ANKRD31: variants seen among roughly 807,000 people sequenced by gnomAD.
The protein encoded by ANKRD31 is ankyrin repeat domain 31.
A neutral mutation model predicts 186.0 loss-of-function variants in ANKRD31; 147 were observed. The observed-to-expected ratio is 0.79, with a 90% CI of 0.69 to 0.91. The LOEUF (loss-of-function observed/expected upper bound fraction) is 0.91. Among genes scored for constraint, ANKRD31 ranks in the 40% least tolerant of loss-of-function variants. The pLI is 0.00. For synonymous variants in ANKRD31, 673 were observed against 736.4 expected (o/e 0.91, Z 1.39); for missense variants, 1,986 against 2,148.8 (o/e 0.92, Z 1.50).
At chr5:75,169,904 AC>A (rs1326633206) in intron 10 of ANKRD31, among the ~76,000 whole-genome samples, 1 of 152,104 alleles carries the variant, frequency 6.6e-6, no homozygotes, top group Non-Finnish European at 1.5e-5. Flanking sequence ...CCTAGTTCTA[AC>A]AACTAAACAT....
intron 20 of ANKRD31, among the ~76,000 whole-genome samples, chr5:75,107,940 T>C (rs147186465): frequency 7.9e-5 from 12 of 152,202 alleles, no homozygotes; most frequent in Non-Finnish European, 1.5e-4. Context: ...TAAAGGAAGA[T>C]ATTTTGTTTG....
intron 4 of ANKRD31, among the ~76,000 whole-genome samples, chr5:75,206,901 T>G (rs1420789888): frequency 6.6e-6 from 1 of 152,114 alleles, no homozygotes; most frequent in Non-Finnish European, 1.5e-5. Flanking sequence ...TAATGATAAA[T>G]TTCTCCAGGC....
chr5:75,228,131 T>C (rs997502804), intron 2 of ANKRD31, among the ~76,000 whole-genome samples: 2 of 152,326 alleles, frequency 1.3e-5, no homozygotes, highest in East Asian at 1.9e-4. Context: ...TATATGGCCA[T>C]TGAAAGGTTT....
intron 22 of ANKRD31, among the ~76,000 whole-genome samples, chr5:75,100,553 G>A (rs376139018): frequency 6.6e-6 from 1 of 151,770 alleles, no homozygotes; most frequent in African/African-American, 2.4e-5. Context: ...ATTGTGTGGG[G>A]GTCTAAGTCT....
intron 12 of ANKRD31, among the ~76,000 whole-genome samples, chr5:75,152,473 C>T (rs911327090): frequency 1.3e-5 from 2 of 151,802 alleles, no homozygotes; most frequent in African/African-American, 4.8e-5. Context: ...AAGGTGGAAG[C>T]CTTTGTTGTT....
intron 17 of ANKRD31, among the ~76,000 whole-genome samples, chr5:75,135,007 G>C (rs1167484027): frequency 1.3e-5 from 2 of 152,092 alleles, no homozygotes; most frequent in Non-Finnish European, 2.9e-5. Context: ...GGTATTGATG[G>C]GACGTATCTC....
chr5:75,141,185 A>G (rs1325325792), intron 15 of ANKRD31, among the ~76,000 whole-genome samples: 1 of 152,202 alleles, frequency 6.6e-6, no homozygotes, highest in Non-Finnish European at 1.5e-5. Flanking sequence ...AAAAGATTAG[A>G]GAACCATTCT....
At chr5:75,218,930 A>G (rs1004819837) in intron 3 of ANKRD31, among the ~76,000 whole-genome samples, 2 of 152,150 alleles carry the variant, frequency 1.3e-5, no homozygotes, top group Non-Finnish European at 2.9e-5. Flanking sequence ...ATCAAATTCA[A>G]ATCCCTTCAT....
At chr5:75,137,684 T>C (rs1750702565) in intron 17 of ANKRD31, among the ~76,000 whole-genome samples, 172 bp downstream of exon 17, 2 of 152,192 alleles carry the variant, frequency 1.3e-5, no homozygotes, top group South Asian at 2.1e-4. Context: ...TTAGGATACA[T>C]AGATTTTCTA....
At chr5:75,148,493 G>A in intron 13 of ANKRD31, 83 bp downstream of exon 13, 2 of 957,932 alleles carry the variant, frequency 2.1e-6, no homozygotes, top group Non-Finnish European at 3.0e-6. Context: ...AGCTTCAGCA[G>A]TCTTTCTCTT....
At chr5:75,156,467 C>T (rs1311846784) in intron 11 of ANKRD31, among the ~76,000 whole-genome samples, 4 of 152,164 alleles carry the variant, frequency 2.6e-5, no homozygotes, top group Non-Finnish European at 4.4e-5. Context: ...CCGCACTTAT[C>T]GTGGTAGGCT....
At chr5:75,140,234 A>AGAAGGAAG (rs146909283) in intron 15 of ANKRD31, among the ~76,000 whole-genome samples, 1,786 of 101,768 alleles carry the variant, frequency 0.018, 26 homozygotes, top group East Asian at 0.076. Flanking sequence ...AAAGAAAGAA[A>AGAAGGAAG]GAAGGAAGGA....
intron 21 of ANKRD31, among the ~76,000 whole-genome samples, chr5:75,106,903 T>C (rs6890205): frequency 3.4e-4 from 52 of 151,978 alleles, no homozygotes; most frequent in African/African-American, 1.1e-3. Context: ...CATTAAATGA[T>C]TATAGGAGAA....
intron 17 of ANKRD31, among the ~76,000 whole-genome samples, chr5:75,135,751 G>A (rs984698218): frequency 4.6e-5 from 7 of 152,030 alleles, no homozygotes; most frequent in Admixed American, 6.6e-5. Context: ...GCATCACGCT[G>A]CCTGCCTTCA....
chr5:75,202,316 A>G (rs1356264372), intron 5 of ANKRD31, among the ~76,000 whole-genome samples: 1 of 152,230 alleles, frequency 6.6e-6, no homozygotes, highest in African/African-American at 2.4e-5. Flanking sequence ...ATTTTACAGT[A>G]ATTTGATTAC....
rs150522144 is a variant in ANKRD31, at chr5:75,134,719, A to G, written c.3876+3137T>C. On this transcript the variant is annotated intron_variant, in intron 17 of 25. Coordinates refer to ENST00000506364, the MANE Select transcript of ANKRD31 (RefSeq NM_001372053.1). Reference sequence around the variant, plus strand: ...TGTTGTGTCTCTACACAACAAAAAAAGAGAATTTTGGACCAATATCCCTGA... The same window carrying G: ...TGTTGTGTCTCTACACAACAAAAAAGGAGAATTTTGGACCAATATCCCTGA... Among the ~76,000 whole-genome samples, 1,326 of 152,292 alleles carry G rather than the reference A, an allele frequency of 8.7e-3. 19 individuals are homozygous for G. Among genetic ancestry groups the G allele is most frequent in the African/African-American group, 0.028 (1,175 of 41,544 alleles).
Position 75,193,352 on chromosome 5 carries a change from A to G in ANKRD31, c.1257T>C (p.Cys419=), listed in dbSNP as rs1202027237. Residue 419 remains cysteine, a synonymous_variant, in exon 8 of 26, where the codon TGT becomes TGC. Transcript: ENST00000506364. The part of the protein sequence containing the change: ...PEKILPKILG[C]EDLTNNNSSA... ...AAGAGTTATTATTTGTTAGGTCCTC[A>G]CAGCCAAGGATTTTTGGTAAAATCT... 1 of 1,536,766 alleles carries G rather than the reference A, an allele frequency of 6.5e-7. No homozygotes were observed. Among genetic ancestry groups the G allele is most frequent in the East Asian group, 2.4e-5 (1 of 40,908 alleles).
At chr5:75,213,282 T>A (rs1054925631) in intron 3 of ANKRD31, among the ~76,000 whole-genome samples, 1 of 152,230 alleles carries the variant, frequency 6.6e-6, no homozygotes, top group Non-Finnish European at 1.5e-5. Context: ...AATTTTCATT[T>A]ATCTTACTAA....
intron 2 of ANKRD31, among the ~76,000 whole-genome samples, chr5:75,224,725 T>C (rs1197867034): frequency 2.0e-5 from 3 of 152,098 alleles, no homozygotes; most frequent in Non-Finnish European, 4.4e-5. Flanking sequence ...GGTTTTGAGG[T>C]CACTGAAGTA....
Sources: allele counts gnomAD v4.1 joint callset (sites outside exome capture counted in the v4.1 genomes callset), GRCh38; gene constraint gnomAD v4.1.1; transcripts MANE v1.5; gene names NCBI Gene and HGNC (gene_info 2026-07-23, HGNC 2026-07-21).